Variants in CNKSR2 observed in about 807,000 individuals in gnomAD.
The protein encoded by CNKSR2 is CNK homolog protein 2.
A neutral mutation model predicts 84.4 loss-of-function variants in CNKSR2; 14 were observed. The ratio of observed to expected loss-of-function variants is 0.17; its 90% confidence interval spans 0.11 to 0.26. CNKSR2 has a LOEUF of 0.26. CNKSR2 is among the 10% of genes least tolerant of loss of function. CNKSR2 has a pLI of 1.00. For synonymous variants in CNKSR2, 275 were observed against 277.9 expected, an observed-to-expected ratio of 0.99 and a Z score of 0.10; for missense variants, 485 against 771.2, an observed-to-expected ratio of 0.63 and a Z score of 4.40.
At chrX:21,520,031 TATTG>T (rs1286700291) in intron 9 of CNKSR2, among the ~76,000 whole-genome samples, 1 of 111,632 alleles carries the variant, frequency 9.0e-6, no homozygotes, top group South Asian at 3.7e-4. Context: ...TGACTTCCAA[TATTG>T]ATTAACTACA....
At chrX:21,606,366 C>A (rs943433229) in intron 18 of CNKSR2, among the ~76,000 whole-genome samples, 2 of 111,825 alleles carry the variant, frequency 1.8e-5, no homozygotes, top group Non-Finnish European at 3.8e-5. Flanking sequence ...AGATCTACAG[C>A]AATGTATGTA....
At chrX:21,624,202 GAA>G (rs2092613145) in intron 20 of CNKSR2, among the ~76,000 whole-genome samples, 1 of 111,754 alleles carries the variant, frequency 8.9e-6, no homozygotes, top group Non-Finnish European at 1.9e-5. Context: ...TTTAAAGAAA[GAA>G]AGAAAACAAA....
intron 13 of CNKSR2, among the ~76,000 whole-genome samples, chrX:21,575,597 A>G (rs1383563550): frequency 9.0e-6 from 1 of 111,517 alleles, no homozygotes; most frequent in Non-Finnish European, 1.9e-5. Context: ...GAAAGGTGCA[A>G]AAAAATAAGG....
At chrX:21,441,068 A>G (rs1160385721) in intron 4 of CNKSR2, 2 of 152,773 alleles carry the variant, frequency 1.3e-5, no homozygotes, top group Non-Finnish European at 2.5e-5. Flanking sequence ...TCCACTTCAA[A>G]TATTATCTAA....
At chrX:21,514,069 A>T (rs753614793) in intron 8 of CNKSR2, among the ~76,000 whole-genome samples, 1 of 111,808 alleles carries the variant, frequency 8.9e-6, no homozygotes, top group African/African-American at 3.2e-5. Context: ...ATTTATGTAC[A>T]TTCTTTAACA....
rs777871776 is a variant in CNKSR2, at chrX:21,595,099, C to G, written c.1904+52C>G. 4.1e-6 allele frequency: 4 copies of G among 969,303 alleles called. No individual in the cohort carries two copies. The East Asian group carries it at 1.3e-4, about 31-fold the overall frequency. 79.9% of individuals were successfully genotyped at this position (969,303 alleles called of 1,213,427 possible). On this transcript the variant is annotated intron_variant, in intron 16 of 21. Coordinates refer to ENST00000379510, the MANE Select transcript of CNKSR2 (RefSeq NM_014927.5). ...GAACGATAGTTTTTTTTTTTAATTT[C>G]CAGCTTTTAAATTATAGGTTGCTCA...
At chrX:21,404,789 CAAAAAAAAAAAAA>C (rs59192713) in intron 1 of CNKSR2, among the ~76,000 whole-genome samples, 1 of 30,084 alleles carries the variant, frequency 3.3e-5, no homozygotes, top group African/African-American at 1.3e-4. Flanking sequence ...AACTCTGTCT[CAAAAAAAAAAAAA>C]AAAAAAAAAA....
Position 21,648,794 on chromosome X carries a change from C to CTTTTTTTTTT in CNKSR2, c.2693-21_2693-12dup, listed in dbSNP as rs33962399. The CTTTTTTTTTT allele has an allele frequency of 2.1e-3, 650 of 315,699 alleles. 35 individuals carry two copies. The highest frequency in any genetic ancestry group is 3.1e-3 in the African/African-American group (50 of 16,115). 26.0% of individuals were successfully genotyped at this position (315,699 alleles called of 1,213,427 possible). A position where few individuals can be genotyped will look rare whatever the true frequency, so the allele number is the denominator to read the frequency against. ...TTTCTCTCTCTCTCTCTCTCTCTTT[C>CTTTTTTTTTT]TTTTTTTTTTTTTTTTTTTTTTTTT... On this transcript the variant is annotated intron_variant, in intron 20 of 21. Transcript: ENST00000379510.
At chrX:21,477,582 T>C (rs763682076) in intron 5 of CNKSR2, among the ~76,000 whole-genome samples, 4 of 111,832 alleles carry the variant, frequency 3.6e-5, no homozygotes, top group East Asian at 5.6e-4. Context: ...GAGATTATTA[T>C]GTCTTCTCTG....
intron 5 of CNKSR2, among the ~76,000 whole-genome samples, chrX:21,479,458 A>C (rs761327083): frequency 9.0e-6 from 1 of 111,552 alleles, no homozygotes; most frequent in Non-Finnish European, 1.9e-5. Flanking sequence ...TCAATGCTAT[A>C]TATTTTTTTA....
At chrX:21,469,790 T>C (rs1041272751) in intron 4 of CNKSR2, among the ~76,000 whole-genome samples, 1 of 110,416 alleles carries the variant, frequency 9.1e-6, no homozygotes, top group Non-Finnish European at 1.9e-5. Flanking sequence ...CACATGCCTG[T>C]AATCCCAGCT....
Position 21,490,562 on chromosome X carries a change from A to C in CNKSR2, c.665A>C (p.Lys222Thr). 8.3e-7 allele frequency: 1 copy of C among 1,208,202 alleles called. No homozygotes were observed. The highest frequency in any genetic ancestry group is 1.1e-6 in the Non-Finnish European group (1 of 893,477). Residue 222 changes from lysine (K) to threonine (T), a missense_variant, in exon 6 of 22, where the codon AAA becomes ACA. By Grantham distance (78) the Lys-to-Thr change is moderately conservative (BLOSUM62 -1). Coordinates refer to ENST00000379510, the MANE Select transcript of CNKSR2 (RefSeq NM_014927.5). ...HLEVIQLANI[K>T]PSEGLGMYIK... ...GAAGTGATTCAACTGGCAAACATTA[A>C]ACCAAGCGAAGGGCTGGTAAGAGAT...
intron 1 of CNKSR2, among the ~76,000 whole-genome samples, chrX:21,391,648 C>A (rs2090052880): frequency 8.9e-6 from 1 of 112,097 alleles, no homozygotes; most frequent in African/African-American, 3.2e-5. Context: ...CGAGGGGCTG[C>A]TATGAAAGTT....
At chrX:21,572,079 A>G (rs1465449365) in intron 13 of CNKSR2, among the ~76,000 whole-genome samples, 1 of 112,433 alleles carries the variant, frequency 8.9e-6, no homozygotes, top group Non-Finnish European at 1.9e-5. Context: ...ATATTCTCTG[A>G]TTCCTATGGA....
intron 13 of CNKSR2, among the ~76,000 whole-genome samples, chrX:21,587,825 C>T (rs963889634): frequency 9.0e-6 from 1 of 111,326 alleles, no homozygotes; most frequent in Non-Finnish European, 1.9e-5. Context: ...TTTGGATGTC[C>T]CCAAGACCAC....
intron 18 of CNKSR2, among the ~76,000 whole-genome samples, chrX:21,604,271 A>G (rs1042699764): frequency 9.1e-6 from 1 of 109,857 alleles, no homozygotes; most frequent in African/African-American, 3.3e-5. Context: ...AACAATGAGA[A>G]CACTTGGACA....
chrX:21,412,829 G>A (rs922239846), intron 1 of CNKSR2, among the ~76,000 whole-genome samples: 2 of 111,634 alleles, frequency 1.8e-5, no homozygotes, highest in African/African-American at 3.3e-5. Flanking sequence ...TGGTTAATTT[G>A]TACTTCTTAT....
chrX:21,436,835 C>T (rs1225511969), intron 3 of CNKSR2, among the ~76,000 whole-genome samples: 1 of 111,135 alleles, frequency 9.0e-6, no homozygotes. Flanking sequence ...TGGTAACCCA[C>T]AAAGATTGGA....
intron 20 of CNKSR2, among the ~76,000 whole-genome samples, chrX:21,610,691 A>G (rs1329197786): frequency 8.9e-6 from 1 of 111,955 alleles, no homozygotes; most frequent in Non-Finnish European, 1.9e-5. Flanking sequence ...CATTTTACAA[A>G]TATATGGGAC....
Sources: allele counts gnomAD v4.1 joint callset (sites outside exome capture counted in the v4.1 genomes callset), GRCh38; gene constraint gnomAD v4.1.1; transcripts MANE v1.5; gene names NCBI Gene and HGNC (gene_info 2026-07-23, HGNC 2026-07-21).